SORCS3: variants seen among roughly 807,000 people sequenced by gnomAD.
The protein encoded by SORCS3 is sortilin related VPS10 domain containing receptor 3.
In SORCS3, 57 loss-of-function variants were observed where a neutral mutation model predicts 146.3. The observed-to-expected ratio is 0.39, with a 90% CI of 0.31 to 0.49. SORCS3 has a LOEUF of 0.49. SORCS3 is among the 20% of genes least tolerant of loss of function. The probability of loss-of-function intolerance (pLI) is 0.92; values close to 1 mark genes in which losing one functional copy is unlikely to be tolerated. For synonymous variants in SORCS3, 653 were observed against 618.5 expected (o/e 1.06, Z -0.83); for missense variants, 1,341 against 1,575.5 (o/e 0.85, Z 2.52).
In SORCS3 at chr10:104,641,479, C is replaced by T. The variant is rs1248897947; in HGVS notation, c.152C>T (p.Ser51Leu). The stretch of plus-strand genomic sequence containing the variant: ...CCCGGACGCCCGGCGGCCCCGGCTT[C>T]GCGGCCACCGGCGTTGTCTCCACTC... ...GGPGRPAAPA[S>L]RPPALSPLSP... Residue 51 changes from serine (S) to leucine (L), a missense_variant, in exon 1 of 27, where the codon TCG (serine) becomes TTG (leucine). Physicochemically the swap from Ser to Leu is moderately radical, Grantham distance 145. Coordinates refer to ENST00000369701, the MANE Select transcript of SORCS3 (RefSeq NM_014978.3). This position sits in a 1 kb window ranked among gnomAD's most constrained non-coding sequence, Gnocchi z 6.4. 24 of 1,467,442 alleles carry T rather than the reference C, an allele frequency of 1.6e-5. No homozygotes were observed. Among genetic ancestry groups the T allele is most frequent in the Middle Eastern group, 2.3e-4 (1 of 4,348 alleles). The allele number at this position is 1,467,442 out of a possible 1,614,324, so 90.9% of individuals were successfully genotyped here.
intron 3 of SORCS3, among the ~76,000 whole-genome samples, chr10:104,922,993 T>C (rs564929309): frequency 1.3e-5 from 2 of 152,302 alleles, no homozygotes; most frequent in East Asian, 3.9e-4. Context: ...TTTGTGTCAT[T>C]GTAGGGTAAG....
At chr10:105,242,056 A>C (rs1202819445) in intron 20 of SORCS3, among the ~76,000 whole-genome samples, 2 of 151,364 alleles carry the variant, frequency 1.3e-5, no homozygotes, top group African/African-American at 2.4e-5. Flanking sequence ...TTCACTGGGT[A>C]CCCGCCCCTA....
At chr10:104,981,528 G>T (rs1318673827) in intron 4 of SORCS3, among the ~76,000 whole-genome samples, 1 of 152,170 alleles carries the variant, frequency 6.6e-6, no homozygotes, top group Non-Finnish European at 1.5e-5. Context: ...GACTGAAACA[G>T]CTTACACTGT....
rs557702811 is a variant in SORCS3, at chr10:104,782,762, G to A, written c.628-60030G>A. On this transcript the variant is annotated intron_variant, in intron 1 of 26. Transcript: ENST00000369701. ...CTCGGGAAAATCACATTATCTTTCT[G>A]AGCCCCAGTTTCTTCTGACCGTGAA... 3.9e-5 allele frequency among the ~76,000 whole-genome samples: 6 copies of A among 152,218 alleles called. No homozygotes were observed. In the South Asian group the frequency reaches 1.2e-3, roughly 32 times the overall value.
chr10:104,746,415 C>A (rs923415272), intron 1 of SORCS3, among the ~76,000 whole-genome samples: 1 of 152,182 alleles, frequency 6.6e-6, no homozygotes, highest in Non-Finnish European at 1.5e-5. Flanking sequence ...GGATTACAGG[C>A]GTGAGCCACC....
chr10:104,681,904 C>T (rs977408171), intron 1 of SORCS3, among the ~76,000 whole-genome samples: 7 of 152,228 alleles, frequency 4.6e-5, no homozygotes, highest in African/African-American at 1.7e-4. Flanking sequence ...ATGTTCCCCT[C>T]CACATATTTC....
intron 1 of SORCS3, among the ~76,000 whole-genome samples, chr10:104,743,383 T>C (rs2016872317): frequency 6.6e-6 from 1 of 152,188 alleles, no homozygotes; most frequent in African/African-American, 2.4e-5. Context: ...TCAGGAAACA[T>C]TTATTAAGCA....
chr10:104,741,747 T>A (rs1328116721), intron 1 of SORCS3, among the ~76,000 whole-genome samples: 6 of 134,914 alleles, frequency 4.4e-5, no homozygotes. Context: ...AGCCTTTGAG[T>A]TTTTAATTTT....
chr10:105,106,635 C>T (rs2055823683), intron 7 of SORCS3, among the ~76,000 whole-genome samples: 1 of 152,132 alleles, frequency 6.6e-6, no homozygotes, highest in Non-Finnish European at 1.5e-5. Context: ...TTGTAGGCAT[C>T]GCAGTTACTT....
chr10:105,088,798 A>G (rs1346477784), intron 5 of SORCS3, among the ~76,000 whole-genome samples: 7 of 152,154 alleles, frequency 4.6e-5, no homozygotes, highest in Admixed American at 4.6e-4. Context: ...CTTGCTATCC[A>G]AGTATCAGCT....
intron 4 of SORCS3, among the ~76,000 whole-genome samples, chr10:105,000,601 A>T (rs1013465890): frequency 1.2e-4 from 19 of 152,030 alleles, no homozygotes; most frequent in African/African-American, 4.6e-4. Flanking sequence ...AGATTTTGTG[A>T]GTCCAAATCA....
At chr10:104,715,683 G>A (rs1247280934) in intron 1 of SORCS3, among the ~76,000 whole-genome samples, 1 of 152,056 alleles carries the variant, frequency 6.6e-6, no homozygotes, top group Non-Finnish European at 1.5e-5. Context: ...CTGTTTCTAG[G>A]TGTATTTTAA....
chr10:104,997,634 C>T (rs1319630225), intron 4 of SORCS3, among the ~76,000 whole-genome samples: 1 of 152,006 alleles, frequency 6.6e-6, no homozygotes, highest in East Asian at 1.9e-4. Flanking sequence ...GGGGTCTGTC[C>T]CTTGAGGATT....
At chr10:105,245,861 G>T (rs2056863250) in intron 21 of SORCS3, among the ~76,000 whole-genome samples, 196 bp downstream of exon 21, 1 of 152,176 alleles carries the variant, frequency 6.6e-6, no homozygotes, top group African/African-American at 2.4e-5. Flanking sequence ...ACAGGTATTT[G>T]TTGTCCCCTG....
At chr10:104,884,169 T>G (rs572459388) in intron 2 of SORCS3, among the ~76,000 whole-genome samples, 1 of 152,336 alleles carries the variant, frequency 6.6e-6, no homozygotes, top group African/African-American at 2.4e-5. Context: ...TCAAACATTT[T>G]TAGAAGGACT....
chr10:104,857,671 A>G (rs975025015), intron 2 of SORCS3, among the ~76,000 whole-genome samples: 2 of 152,182 alleles, frequency 1.3e-5, no homozygotes, highest in Non-Finnish European at 1.5e-5. Flanking sequence ...TTGTATAAAC[A>G]TGGATTCTAC....
At chr10:105,136,036 C>T (rs1168010337) in intron 7 of SORCS3, among the ~76,000 whole-genome samples, 3 of 152,106 alleles carry the variant, frequency 2.0e-5, no homozygotes, top group African/African-American at 7.2e-5. Context: ...TGTTCATACA[C>T]CTATTCATTA....
intron 2 of SORCS3, among the ~76,000 whole-genome samples, chr10:104,875,816 A>G (rs1266591885): frequency 1.3e-5 from 2 of 152,190 alleles, no homozygotes; most frequent in African/African-American, 4.8e-5. Flanking sequence ...TGCTAGGCTG[A>G]TGGCTAGTGC....
At position 104,855,442 on chromosome 10, in the gene SORCS3, T is replaced by G. The variant is rs2018319799; in HGVS notation, c.695+12583T>G. On this transcript the variant is annotated intron_variant, in intron 2 of 26. Transcript: ENST00000369701. ...TGACATCTTTAGTATATTGAGCCTTTGAATCCATGAACATGGTGGTACATC... is the reference window on the plus strand; with the variant it reads ...TGACATCTTTAGTATATTGAGCCTTGGAATCCATGAACATGGTGGTACATC... Among the ~76,000 whole-genome samples, 3 of 152,220 alleles carry G rather than the reference T, an allele frequency of 2.0e-5. No individual in the cohort carries two copies. The South Asian group carries it at 6.2e-4, about 32-fold the overall frequency.
Sources: gnomAD v4.1 joint callset for allele counts (sites outside exome capture counted in the v4.1 genomes callset) on GRCh38, gnomAD v4.1.1 for gene constraint, Gnocchi (gnomAD v3.1) non-coding constraint, MANE v1.5 for transcripts, NCBI Gene and HGNC (gene_info 2026-07-23, HGNC 2026-07-21) for gene names.